KAZN: variants seen among roughly 807,000 people sequenced by gnomAD.
The protein encoded by KAZN is kazrin.
KAZN carries 40 observed loss-of-function variants against 87.4 expected under a neutral mutation model. The observed-to-expected ratio is 0.46, with a 90% confidence interval of 0.36 to 0.60. KAZN has a LOEUF of 0.60. Ranked by LOEUF, KAZN falls within the 20% of genes least tolerant of loss-of-function variation. The probability of loss-of-function intolerance (pLI) is 0.00; values close to 1 mark genes in which losing one functional copy is unlikely to be tolerated. For missense variants in KAZN, 898 were observed against 1,073.9 expected (o/e 0.84, Z 2.29); for synonymous variants, 466 against 458.3 (o/e 1.02, Z -0.22).
intron 1 of KAZN, among the ~76,000 whole-genome samples, chr1:14,036,004 T>C (rs921195072): frequency 6.6e-6 from 1 of 151,938 alleles, no homozygotes; most frequent in Non-Finnish European, 1.5e-5. Context: ...AATGAGAGAG[T>C]CTGAAAAGGC....
intron 1 of KAZN, among the ~76,000 whole-genome samples, chr1:14,895,284 T>C (rs988060557): frequency 3.1e-4 from 47 of 152,370 alleles, no homozygotes; most frequent in African/African-American, 1.1e-3. Flanking sequence ...GTGGCTTGCA[T>C]GCTGGGCACA....
intron 2 of KAZN, among the ~76,000 whole-genome samples, chr1:14,360,506 TGGA>T (rs1245269414): frequency 1.3e-5 from 2 of 152,186 alleles, no homozygotes; most frequent in Non-Finnish European, 2.9e-5. Flanking sequence ...TGTGATCCTT[TGGA>T]GGAGAAGAGG....
At chr1:14,864,685 T>C (rs1651252323) in intron 1 of KAZN, among the ~76,000 whole-genome samples, 1 of 152,164 alleles carries the variant, frequency 6.6e-6, no homozygotes, top group East Asian at 1.9e-4. Context: ...GTGGTTTTTT[T>C]GCACCACCCT....
At position 14,960,779 on chromosome 1, in the gene KAZN, G is replaced by A. The variant is rs1663755248; in HGVS notation, c.322G>A (p.Gly108Ser). The A allele has an allele frequency of 1.9e-6, 3 of 1,610,856 alleles. No individual in the cohort carries two copies. The highest frequency in any genetic ancestry group is 2.2e-5 in the South Asian group (2 of 90,154). ...MLAKDLEESQ[G>S]GKSSEVLSAT... The stretch of plus-strand genomic sequence containing the variant: ...GGCGAAGGACCTGGAGGAGTCGCAG[G>A]GCGGCAAGTCCTCTGAGGTCCTCTC... Residue 108 changes from glycine to serine, a missense_variant, in exon 2 of 15, where the codon GGC becomes AGC. Physicochemically the swap from Gly to Ser is moderately conservative, Grantham distance 56 (BLOSUM62 0). This residue lies in a region of KAZN where 250 missense variants were observed against 263.0 expected (regional missense o/e 0.95). Coordinates refer to ENST00000376030, the MANE Select transcript of KAZN (RefSeq NM_201628.3).
chr1:13,894,359 A>C (rs1455632428), intron 1 of KAZN, among the ~76,000 whole-genome samples: 4 of 151,736 alleles, frequency 2.6e-5, no homozygotes, highest in Non-Finnish European at 5.9e-5. Flanking sequence ...CGGGCCTTAT[A>C]ACCCATGCTA....
Position 14,923,519 on chromosome 1 carries a change from G to C in KAZN, c.227-37165G>C, listed in dbSNP as rs1288500900. Reference sequence around the variant, plus strand: ...GGCTGCCATAGTTGGAGAGTTCATGGGCAGCACTGATAATGGACAGTGGGG... The same window carrying C: ...GGCTGCCATAGTTGGAGAGTTCATGCGCAGCACTGATAATGGACAGTGGGG... On this transcript the variant is annotated intron_variant, in intron 1 of 14. Transcript: ENST00000376030. The surrounding 1 kb of genome is among the most constrained non-coding windows in gnomAD (Gnocchi z 4.2). Among the ~76,000 whole-genome samples the C allele has an allele frequency of 6.6e-6, 1 of 152,164 alleles. No individual in the cohort carries two copies. The highest frequency in any genetic ancestry group is 1.5e-5 in the Non-Finnish European group (1 of 68,032).
At chr1:14,754,267 A>C (rs758996344) in intron 1 of KAZN, among the ~76,000 whole-genome samples, 28 of 152,190 alleles carry the variant, frequency 1.8e-4, no homozygotes, top group Non-Finnish European at 2.4e-4. Flanking sequence ...AGGCCAGTGG[A>C]GGGATTTTGT....
At chr1:13,967,910 G>A (rs1241098980) in intron 1 of KAZN, among the ~76,000 whole-genome samples, 2 of 152,118 alleles carry the variant, frequency 1.3e-5, no homozygotes, top group African/African-American at 4.8e-5. Context: ...AACACAGATG[G>A]GCAGCAACCC....
At chr1:14,187,648 G>T (rs536036426) in intron 2 of KAZN, among the ~76,000 whole-genome samples, 101 of 152,218 alleles carry the variant, frequency 6.6e-4, no homozygotes, top group Non-Finnish European at 1.3e-3. Context: ...TGACTGGCAG[G>T]GGGTGAGTGT....
At chr1:14,674,882 G>A (rs1270582037) in intron 1 of KAZN, among the ~76,000 whole-genome samples, 1 of 152,060 alleles carries the variant, frequency 6.6e-6, no homozygotes, top group East Asian at 1.9e-4. Flanking sequence ...GAACTCCTGG[G>A]TTAAAGCCAT....
At chr1:14,787,792 G>A (rs2100674631) in intron 1 of KAZN, among the ~76,000 whole-genome samples, 1 of 152,298 alleles carries the variant, frequency 6.6e-6, no homozygotes, top group East Asian at 1.9e-4. Flanking sequence ...AGGAGGGACA[G>A]CTGTCTAGGA....
chr1:14,181,404 C>T (rs1264583290), intron 2 of KAZN, among the ~76,000 whole-genome samples: 2 of 152,212 alleles, frequency 1.3e-5, no homozygotes, highest in African/African-American at 2.4e-5. Flanking sequence ...TGGTTTCTTT[C>T]ATTCCGCTCT....
chr1:14,387,652 G>C (rs1400067498), intron 2 of KAZN, among the ~76,000 whole-genome samples: 1 of 152,148 alleles, frequency 6.6e-6, no homozygotes, highest in East Asian at 1.9e-4. Flanking sequence ...GGACCCACTT[G>C]AGGAGGCAGT....
intron 2 of KAZN, among the ~76,000 whole-genome samples, chr1:14,997,165 T>G (rs1229176805): frequency 6.6e-6 from 1 of 152,210 alleles, no homozygotes; most frequent in East Asian, 1.9e-4. Context: ...AGTTCCTTCA[T>G]GCATTTCACA....
rs1643864866 is a variant in KAZN, at chr1:14,735,184, G to T, written c.226+135961G>T. ...ACTCCATTCTCCTGCCTCAGCCTCA[G>T]GAGCAGCTGGGACTACAGGCACCCG... On this transcript the variant is annotated intron_variant, in intron 1 of 14. Transcript: ENST00000376030. This position sits in a 1 kb window ranked among gnomAD's most constrained non-coding sequence, Gnocchi z 4.3. Among the ~76,000 whole-genome samples, 2 of 152,062 alleles carry T rather than the reference G, an allele frequency of 1.3e-5. No homozygotes were observed. The highest frequency in any genetic ancestry group is 1.3e-4 in the Admixed American group (2 of 15,258).
intron 2 of KAZN, among the ~76,000 whole-genome samples, chr1:14,195,732 C>T (rs1646513620): frequency 6.6e-6 from 1 of 151,962 alleles, no homozygotes; most frequent in African/African-American, 2.4e-5. Flanking sequence ...GAACACAGGC[C>T]CTTCATTCAT....
intron 2 of KAZN, among the ~76,000 whole-genome samples, chr1:15,013,151 C>G (rs186942568): frequency 2.2e-3 from 332 of 152,300 alleles, no homozygotes; most frequent in Non-Finnish European, 3.9e-3. Flanking sequence ...CCTGTAGACT[C>G]CTCTGCCTTC....
chr1:14,126,112 T>G (rs963652529), intron 1 of KAZN, among the ~76,000 whole-genome samples: 2 of 152,168 alleles, frequency 1.3e-5, no homozygotes, highest in Non-Finnish European at 2.9e-5. Context: ...ATGTAGCAGC[T>G]TTTTCTCACT....
At chr1:14,572,583 G>T (rs374772391) in intron 2 of KAZN, among the ~76,000 whole-genome samples, 1 of 152,198 alleles carries the variant, frequency 6.6e-6, no homozygotes, top group Non-Finnish European at 1.5e-5. Flanking sequence ...CAGTTTGCCG[G>T]CTGGCTTCTT....
Sources: gnomAD v4.1 joint callset for allele counts (sites outside exome capture counted in the v4.1 genomes callset) on GRCh38, gnomAD v4.1.1 for gene constraint, gnomAD v4.1.1 regional missense constraint, Gnocchi (gnomAD v3.1) non-coding constraint, MANE v1.5 for transcripts, NCBI Gene and HGNC (gene_info 2026-07-23, HGNC 2026-07-21) for gene names.